The following MAVS variants were observed in gnomAD, a reference collection of about 807,000 sequenced individuals.
MAVS encodes the protein mitochondrial antiviral-signaling protein.
MAVS carries 20 observed loss-of-function variants against 30.2 expected under a neutral mutation model. That is an observed-to-expected ratio of 0.66 (90% CI 0.47 to 0.96). The LOEUF (loss-of-function observed/expected upper bound fraction) is 0.96, where lower values mean the gene tolerates loss of function less well. MAVS is among the 40% of genes least tolerant of loss of function. The pLI, the probability that MAVS is intolerant of heterozygous loss-of-function variation, is 0.00. For missense variants in MAVS, 624 were observed against 701.1 expected (o/e 0.89, Z 1.24); for synonymous variants, 278 against 293.9 (o/e 0.95, Z 0.55).
At chr20:3,848,174 A>C (rs1600438818) in intron 1 of MAVS, among the ~76,000 whole-genome samples, 2 of 151,784 alleles carry the variant, frequency 1.3e-5, no homozygotes, top group Admixed American at 1.3e-4. Context: ...ATCTTGGCTC[A>C]CTGCAACCTC....
intron 1 of MAVS, among the ~76,000 whole-genome samples, chr20:3,852,433 T>C (rs577500586): frequency 6.6e-6 from 1 of 152,294 alleles, no homozygotes; most frequent in East Asian, 1.9e-4. Context: ...CCGATTATTA[T>C]CATGTTGGGG....
In MAVS at chr20:3,869,016, T is replaced by C. The variant is rs1460426081; in HGVS notation, c.*2869T>C. 6.6e-6 allele frequency: 1 copy of C among 152,286 alleles called. No homozygotes were observed. Among genetic ancestry groups the C allele is most frequent in the Non-Finnish European group, 1.5e-5 (1 of 68,062 alleles). The allele number at this position is 152,286 out of a possible 1,614,324, so 9.4% of individuals were successfully genotyped here. On this transcript the variant is annotated 3_prime_UTR_variant, in exon 7 of 7. Coordinates refer to ENST00000428216, the MANE Select transcript of MAVS (RefSeq NM_020746.5). ...CTCCCATCCTCCCATCTTTTTCTTT[T>C]TTCTTTTTTTTAGAGAATCACCCAG...
At position 3,864,735 on chromosome 20, in the gene MAVS, C is replaced by G; in HGVS notation, c.1105C>G (p.Leu369Val). The stretch of plus-strand genomic sequence containing the variant: ...ATCCAAAGTGCCTACTAGCATGGTG[C>G]TCACCAAGGTGTCTGCCAGCACAGT... ...VPSKVPTSMV[L>V]TKVSASTVPT... Residue 369 changes from leucine to valine, a missense_variant, in exon 6 of 7, where the codon CTC becomes GTC. Leu to Val is a conservative substitution (Grantham distance 32). Coordinates refer to ENST00000428216, the MANE Select transcript of MAVS (RefSeq NM_020746.5). The G allele has an allele frequency of 3.1e-6, 5 of 1,614,240 alleles. No homozygotes were observed. The highest frequency in any genetic ancestry group is 4.2e-6 in the Non-Finnish European group (5 of 1,180,048).
chr20:3,853,746 A>G (rs1386346557), intron 1 of MAVS, among the ~76,000 whole-genome samples: 1 of 151,920 alleles, frequency 6.6e-6, no homozygotes, highest in Non-Finnish European at 1.5e-5. Context: ...GTGAACTATT[A>G]TTGCACCACT....
Position 3,865,903 on chromosome 20 carries a change from A to G in MAVS, c.1379A>G (p.Tyr460Cys). The change falls in exon 7 of 7, where the codon TAT (tyrosine) becomes TGT (cysteine). Residue 460 changes from tyrosine (Y) to cysteine (C), a missense_variant. By Grantham distance (194) the Tyr-to-Cys change is radical. Coordinates refer to ENST00000428216, the MANE Select transcript of MAVS (RefSeq NM_020746.5). The surrounding 1 kb of genome is among the most constrained non-coding windows in gnomAD (Gnocchi z 4.7). ...TGCCATGGCCCAGAGGAGAATGAGT[A>G]TAAGTCCGAGGGCACCTTTGGGATC... is the stretch of plus-strand genomic sequence containing the variant. Reference protein sequence around the residue: ...GPCHGPEENEYKSEGTFGIHV... With the variant: ...GPCHGPEENECKSEGTFGIHV... The G allele has an allele frequency of 1.9e-6, 3 of 1,614,020 alleles. No individual in the cohort carries two copies. Among genetic ancestry groups the G allele is most frequent in the African/African-American group, 1.3e-5 (1 of 75,056 alleles).
intron 1 of MAVS, among the ~76,000 whole-genome samples, chr20:3,848,221 C>G (rs1191356762): frequency 2.0e-5 from 3 of 152,068 alleles, no homozygotes. Context: ...GCCTCAGCCT[C>G]CTGAGTAGCT....
rs1463099237 is a variant in MAVS at position 3,870,675 on chromosome 20, A to T, written c.*4528A>T. The T allele has an allele frequency of 1.1e-4, 15 of 138,500 alleles. No individual in the cohort carries two copies. The highest frequency in any genetic ancestry group is 1.0e-3 in the Admixed American group (13 of 12,830). The allele number at this position is 138,500 out of a possible 1,614,324, so 8.6% of individuals were successfully genotyped here. On this transcript the variant is annotated 3_prime_UTR_variant, in exon 7 of 7. Coordinates refer to ENST00000428216, the MANE Select transcript of MAVS (RefSeq NM_020746.5). ...AAAAAAAAAAAAAAAAAAAAAAAAA[A>T]ATCTAGGAGATGCTCTTTACCCTGC...
At chr20:3,852,834 A>ATTT (rs57163061) in intron 1 of MAVS, among the ~76,000 whole-genome samples, 82 of 107,470 alleles carry the variant, frequency 7.6e-4, no homozygotes, top group African/African-American at 2.2e-3. Flanking sequence ...ATTCTGCAGA[A>ATTT]TTTTTTTTTT....
rs779234123 is a variant in MAVS, at chr20:3,862,345, C to T, written c.557C>T (p.Ala186Val). 2.5e-6 allele frequency: 4 copies of T among 1,614,134 alleles called. No homozygotes were observed. Among genetic ancestry groups the T allele is most frequent in the Admixed American group, 1.7e-5 (1 of 60,016 alleles). The change falls in exon 5 of 7, where the codon GCC becomes GTC. Residue 186 changes from alanine (A) to valine (V), a missense_variant. Ala to Val is a moderately conservative substitution (Grantham distance 64). Transcript: ENST00000428216. ...CTGGAGTCCTCCTCTGACCTGGCAG[C>T]CCTCAGCCCTCTGACCTCCAGCGGG... ...GPLESSSDLA[A>V]LSPLTSSGHQ...
At chr20:3,857,873 C>T in intron 3 of MAVS, 64 bp downstream of exon 3, 2 of 1,540,410 alleles carry the variant, frequency 1.3e-6, no homozygotes, top group Non-Finnish European at 9.0e-7. Flanking sequence ...CTCTCCTTTT[C>T]TCTCTCCCTG....
rs1371476734 is a variant in MAVS at position 3,861,055 on chromosome 20, C to A, written c.293-277C>A. On this transcript the variant is annotated intron_variant, in intron 3 of 6. Coordinates refer to ENST00000428216, the MANE Select transcript of MAVS (RefSeq NM_020746.5). Reference sequence around the variant, plus strand: ...TCGCCCAGGCTGGAGTGCAGTGGCGCGATCTTGGCTTACTGCAAGCTCCGC... The same window carrying A: ...TCGCCCAGGCTGGAGTGCAGTGGCGAGATCTTGGCTTACTGCAAGCTCCGC... Among the ~76,000 whole-genome samples, 4 of 150,188 alleles carry A rather than the reference C, an allele frequency of 2.7e-5. No individual in the cohort carries two copies. The East Asian group carries it at 7.8e-4, about 29-fold the overall frequency.
In MAVS at chr20:3,875,960, G is replaced by C. The variant is rs553442718; in HGVS notation, c.*9813G>C. 3.3e-5 allele frequency: 5 copies of C among 152,436 alleles called. No individual in the cohort carries two copies. Among genetic ancestry groups the C allele is most frequent in the Non-Finnish European group, 5.9e-5 (4 of 68,028 alleles). The allele number at this position is 152,436 out of a possible 1,614,324, so 9.4% of individuals were successfully genotyped here. ...ACATACAGCTGGAAATCGGCTTCTT[G>C]CAGGAGGCGTATCCAAAGGAATTGG... On this transcript the variant is annotated 3_prime_UTR_variant, in exon 7 of 7. Coordinates refer to ENST00000428216, the MANE Select transcript of MAVS (RefSeq NM_020746.5).
At chr20:3,854,043 C>T (rs2089787920) in intron 1 of MAVS, among the ~76,000 whole-genome samples, 2 of 151,578 alleles carry the variant, frequency 1.3e-5, no homozygotes, top group Admixed American at 1.3e-4. Context: ...AGTTAATCCC[C>T]CAAATTGGCC....
At chr20:3,856,786 C>T (rs560719019) in intron 2 of MAVS, among the ~76,000 whole-genome samples, 88 of 151,866 alleles carry the variant, frequency 5.8e-4, no homozygotes, top group African/African-American at 2.0e-3. Context: ...GTAATCCCAG[C>T]GCTTTGGGAG....
rs777561421 is a variant in MAVS at position 3,861,292 on chromosome 20, C to T, written c.293-40C>T. ...ACAGGCATGAGCCACTGTGCCCAGC[C>T]CTGATTCCTTCTTGATATCACTACA... On this transcript the variant is annotated intron_variant, in intron 3 of 6. Coordinates refer to ENST00000428216, the MANE Select transcript of MAVS (RefSeq NM_020746.5). The T allele has an allele frequency of 2.1e-5, 33 of 1,572,108 alleles. 2 individuals carry two copies. Among genetic ancestry groups the T allele is most frequent in the East Asian group, 1.1e-4 (5 of 44,374 alleles).
intron 6 of MAVS, 108 bp downstream of exon 6, chr20:3,864,896 T>C: frequency 1.5e-6 from 2 of 1,342,252 alleles, no homozygotes; most frequent in East Asian, 4.8e-5. Context: ...GTGTCCAGCC[T>C]GTGCTGCTCT....
chr20:3,861,103 C>T (rs1281709357), intron 3 of MAVS, among the ~76,000 whole-genome samples: 1 of 152,096 alleles, frequency 6.6e-6, no homozygotes, highest in Non-Finnish European at 1.5e-5. Context: ...CGCCATTCTC[C>T]TGCCTCAGCC....
At chr20:3,857,558 C>G (rs76055836) in intron 2 of MAVS, 77 bp from the exon 3 acceptor site, 16 of 1,523,650 alleles carry the variant, frequency 1.1e-5, no homozygotes, top group Middle Eastern at 2.4e-4. Flanking sequence ...CCCCTCCCCC[C>G]GCTGTGGCTT....
chr20:3,864,666 C>T lies in MAVS; in HGVS notation c.1036C>T (p.Pro346Ser). Residue 346 changes from proline to serine, a missense_variant, in exon 6 of 7, where the codon CCA becomes TCA. Transcript: ENST00000428216. Reference sequence around the variant, plus strand: ...TTCTAATGCGCTCACCAATCCAGCACCATCCAAATTGCCCATCAACTCAAC... The same window carrying T: ...TTCTAATGCGCTCACCAATCCAGCATCATCCAAATTGCCCATCAACTCAAC... ...VPSNALTNPA[P>S]SKLPINSTRA... 6.2e-7 allele frequency: 1 copy of T among 1,614,262 alleles called. No individual in the cohort carries two copies.
Sources: gnomAD v4.1 joint callset for allele counts (sites outside exome capture counted in the v4.1 genomes callset) on GRCh38, gnomAD v4.1.1 for gene constraint, Gnocchi (gnomAD v3.1) non-coding constraint, MANE v1.5 for transcripts, NCBI Gene and HGNC (gene_info 2026-07-23, HGNC 2026-07-21) for gene names.